Variants in FBH1 observed in about 807,000 individuals in gnomAD.
The protein encoded by FBH1 is F-box DNA helicase 1, also known as DNA 3'-5' helicase 1.
A neutral mutation model predicts 115.5 loss-of-function variants in FBH1; 43 were observed. The observed-to-expected ratio is 0.37, with a 90% CI of 0.29 to 0.48. The LOEUF is 0.48. Ranked by LOEUF, FBH1 falls within the 20% of genes least tolerant of loss-of-function variation. The pLI, the probability that FBH1 is intolerant of heterozygous loss-of-function variation, is 0.99. For missense variants in FBH1, 1,001 were observed against 1,337.3 expected (o/e 0.75, Z 3.92); for synonymous variants, 524 against 507.8 (o/e 1.03, Z -0.43).
Position 5,936,537 on chromosome 10 carries a change from G to A in FBH1, c.2911G>A (p.Ala971Thr). The change falls in exon 20 of 21, where the codon GCC (alanine) becomes ACC (threonine). Residue 971 changes from alanine to threonine, a missense_variant. Coordinates refer to ENST00000362091, the MANE Select transcript of FBH1 (RefSeq NM_178150.3). This position sits in a 1 kb window ranked among gnomAD's most constrained non-coding sequence, Gnocchi z 5.6. ...VRCCVGQCNN[A>T]IPVDTVLTMK... ...CTGCTGCGTGGGACAGTGCAACAAT[G>A]CCATCCCTGTTGACACCGTCCTTAC... 4 of 1,614,172 alleles carry A rather than the reference G, an allele frequency of 2.5e-6. No homozygotes were observed. Among genetic ancestry groups the A allele is most frequent in the Non-Finnish European group, 3.4e-6 (4 of 1,180,012 alleles).
intron 19 of FBH1, among the ~76,000 whole-genome samples, chr10:5,927,774 T>G (rs997446822): frequency 6.6e-6 from 1 of 152,094 alleles, no homozygotes; most frequent in Admixed American, 6.5e-5. Context: ...AAGCTCTGTT[T>G]AAGATACCAG....
intron 1 of FBH1, among the ~76,000 whole-genome samples, chr10:5,898,257 G>T (rs1843125811): frequency 6.6e-6 from 1 of 152,218 alleles, no homozygotes; most frequent in Non-Finnish European, 1.5e-5. Context: ...TTGGTGTCTG[G>T]TGAGGGCCGC....
In FBH1 at chr10:5,918,535, C is replaced by T. The variant is rs1409511617; in HGVS notation, c.2100+57C>T. The T allele has an allele frequency of 2.7e-6, 4 of 1,492,236 alleles. No homozygotes were observed. In the Admixed American group the frequency reaches 7.6e-5, roughly 28 times the overall value. The allele number at this position is 1,492,236 out of a possible 1,614,324, so 92.4% of individuals were successfully genotyped here. On this transcript the variant is annotated intron_variant, in intron 13 of 20. Coordinates refer to ENST00000362091, the MANE Select transcript of FBH1 (RefSeq NM_178150.3). This position sits in a 1 kb window ranked among gnomAD's most constrained non-coding sequence, Gnocchi z 4.0. ...ATCTCTCTCCCAATGTCTTACGTGC[C>T]AGGCCCTGTGAAAGGTGGTATGCCA... is the stretch of plus-strand genomic sequence containing the variant.
In FBH1 at chr10:5,925,086, C is replaced by T. The variant is rs1478400700; in HGVS notation, c.2597-281C>T. On this transcript the variant is annotated intron_variant, in intron 17 of 20. Transcript: ENST00000362091. The surrounding 1 kb of genome is among the most constrained non-coding windows in gnomAD (Gnocchi z 4.6). Reference sequence around the variant, plus strand: ...GCTCTGTCCCTTCATGTGTTAGATCCAGACGGTGGGTGGAGCCACTCTGTC... The same window carrying T: ...GCTCTGTCCCTTCATGTGTTAGATCTAGACGGTGGGTGGAGCCACTCTGTC... Among the ~76,000 whole-genome samples the T allele has an allele frequency of 6.6e-6, 1 of 152,208 alleles. No homozygotes were observed. Among genetic ancestry groups the T allele is most frequent in the African/African-American group, 2.4e-5 (1 of 41,452 alleles).
chr10:5,901,175 C>G (rs1240415964), intron 1 of FBH1, among the ~76,000 whole-genome samples: 1 of 152,088 alleles, frequency 6.6e-6, no homozygotes, highest in Admixed American at 6.5e-5. Context: ...GTGGAGTATT[C>G]TTTATTTTCT....
At chr10:5,904,479 A>C (rs985125089) in intron 2 of FBH1, among the ~76,000 whole-genome samples, 5 of 152,100 alleles carry the variant, frequency 3.3e-5, no homozygotes, top group African/African-American at 4.8e-5. Flanking sequence ...TGAGTTTTTT[A>C]CTGACAAGGA....
chr10:5,904,538 G>A (rs935479884), intron 2 of FBH1, among the ~76,000 whole-genome samples: 2 of 152,180 alleles, frequency 1.3e-5, no homozygotes, highest in South Asian at 2.1e-4. Context: ...GACTGTGGGT[G>A]TGACTGGATT....
chr10:5,917,999 GGA>G lies in FBH1; in HGVS notation c.1963+328_1963+329del, dbSNP rs1404007915. Among the ~76,000 whole-genome samples the G allele has an allele frequency of 3.9e-5, 6 of 152,222 alleles. No homozygotes were observed. Among genetic ancestry groups the G allele is most frequent in the African/African-American group, 1.4e-4 (6 of 41,452 alleles). ...GTGTTGTCTACTTCTCAAGTGGCTAGGAGAGAACAGACAGTGTTATCCGTCTG... is the reference window on the plus strand; with the variant it reads ...GTGTTGTCTACTTCTCAAGTGGCTAGGAGAACAGACAGTGTTATCCGTCTG... On this transcript the variant is annotated intron_variant, in intron 12 of 20. Coordinates refer to ENST00000362091, the MANE Select transcript of FBH1 (RefSeq NM_178150.3). This position sits in a 1 kb window ranked among gnomAD's most constrained non-coding sequence, Gnocchi z 5.6.
At position 5,931,494 on chromosome 10, in the gene FBH1, C is replaced by T. The variant is rs1488764370; in HGVS notation, c.2829+3953C>T. ...ACGAAAGGAATTTTACTTCTTTTCT[C>T]ACACTTGAATCTTTTCTCATACACT... On this transcript the variant is annotated intron_variant, in intron 19 of 20. Transcript: ENST00000362091. This position sits in a 1 kb window ranked among gnomAD's most constrained non-coding sequence, Gnocchi z 4.3. Among the ~76,000 whole-genome samples, 1 of 152,170 alleles carries T rather than the reference C, an allele frequency of 6.6e-6. No individual in the cohort carries two copies. The highest frequency in any genetic ancestry group is 1.5e-5 in the Non-Finnish European group (1 of 68,026).
At position 5,925,761 on chromosome 10, in the gene FBH1, G is replaced by A. The variant is rs1029136340; in HGVS notation, c.2722+269G>A. ...GTGGCGGCCCTGTGAGCCCTGCACT[G>A]CCCTCAGCTCCAGGTTCTTCGCCAT... On this transcript the variant is annotated intron_variant, in intron 18 of 20. Transcript: ENST00000362091. The surrounding 1 kb of genome is among the most constrained non-coding windows in gnomAD (Gnocchi z 4.6). 1.3e-5 allele frequency among the ~76,000 whole-genome samples: 2 copies of A among 152,190 alleles called. No individual in the cohort carries two copies. Among genetic ancestry groups the A allele is most frequent in the Non-Finnish European group, 2.9e-5 (2 of 68,032 alleles).
intron 13 of FBH1, among the ~76,000 whole-genome samples, chr10:5,920,840 G>T (rs12244285): frequency 6.6e-6 from 1 of 152,136 alleles, no homozygotes; most frequent in African/African-American, 2.4e-5. Context: ...ACAGAAAACC[G>T]CGTGGGCTGA....
Position 5,937,438 on chromosome 10 carries a change from C to T in FBH1, c.*158C>T. On this transcript the variant is annotated 3_prime_UTR_variant, in exon 21 of 21. Coordinates refer to ENST00000362091, the MANE Select transcript of FBH1 (RefSeq NM_178150.3). ...GCCCAAGCTGGACCTGCCATTTCTC[C>T]ACTCCCTACAGACAGCCAGTCTCCA... is the stretch of plus-strand genomic sequence containing the variant. 4.4e-6 allele frequency: 3 copies of T among 683,384 alleles called. No homozygotes were observed. Among genetic ancestry groups the T allele is most frequent in the Non-Finnish European group, 6.5e-6 (3 of 459,192 alleles). 42.3% of individuals were successfully genotyped at this position (683,384 alleles called of 1,614,324 possible). A position where few individuals can be genotyped will look rare whatever the true frequency, so the allele number is the denominator to read the frequency against.
In FBH1 at chr10:5,913,950, T is replaced by A; in HGVS notation, c.1304+111T>A. 1.1e-6 allele frequency: 1 copy of A among 909,432 alleles called. No homozygotes were observed. The highest frequency in any genetic ancestry group is 1.7e-6 in the Non-Finnish European group (1 of 583,626). 56.3% of individuals were successfully genotyped at this position (909,432 alleles called of 1,614,324 possible). On this transcript the variant is annotated intron_variant, in intron 7 of 20. Coordinates refer to ENST00000362091, the MANE Select transcript of FBH1 (RefSeq NM_178150.3). The surrounding 1 kb of genome is among the most constrained non-coding windows in gnomAD (Gnocchi z 4.4). ...AGCAACATCATTGAGGTTAATAATGTAAATTGTGTAAAACTCACCCATCCT... is the reference window on the plus strand; with the variant it reads ...AGCAACATCATTGAGGTTAATAATGAAAATTGTGTAAAACTCACCCATCCT...
In FBH1 at chr10:5,900,354, G is replaced by A. The variant is rs1040357335; in HGVS notation, c.2-2666G>A. Among the ~76,000 whole-genome samples, 8 of 152,240 alleles carry A rather than the reference G, an allele frequency of 5.3e-5. No individual in the cohort carries two copies. The highest frequency in any genetic ancestry group is 1.4e-4 in the African/African-American group (6 of 41,470). On this transcript the variant is annotated intron_variant, in intron 1 of 20. Coordinates refer to ENST00000362091, the MANE Select transcript of FBH1 (RefSeq NM_178150.3). The surrounding 1 kb of genome is among the most constrained non-coding windows in gnomAD (Gnocchi z 4.2). ...TGGGCGCGTTCAGGGTGGTATGGCCGTAGACCTATCAGACTTAGAGACCTG... is the reference window on the plus strand; with the variant it reads ...TGGGCGCGTTCAGGGTGGTATGGCCATAGACCTATCAGACTTAGAGACCTG...
intron 9 of FBH1, 132 bp from the exon 10 acceptor site, chr10:5,916,102 T>G: frequency 1.2e-6 from 1 of 801,304 alleles, no homozygotes; most frequent in South Asian, 1.8e-5. Flanking sequence ...CTTTTTCGCT[T>G]TAAAACATTA....
rs1416614419 is a variant in FBH1, at chr10:5,917,107, C to T, written c.1789-313C>T. The T allele has an allele frequency of 6.6e-6, 2 of 305,238 alleles. No individual in the cohort carries two copies. The highest frequency in any genetic ancestry group is 4.2e-5 in the African/African-American group (2 of 47,184). The allele number at this position is 305,238 out of a possible 1,614,324, so 18.9% of individuals were successfully genotyped here. On this transcript the variant is annotated intron_variant, in intron 10 of 20. Coordinates refer to ENST00000362091, the MANE Select transcript of FBH1 (RefSeq NM_178150.3). The surrounding 1 kb of genome is among the most constrained non-coding windows in gnomAD (Gnocchi z 5.6). The stretch of plus-strand genomic sequence containing the variant: ...TTCATCAAGTCTTTTCAATCATGTG[C>T]CATTGTTTTTGTGAATTAAGCATCA...
Position 5,918,200 on chromosome 10 carries a change from A to G in FBH1, c.1964-142A>G. ...ATTATAAAATGGCTGCTTTTGATGG[A>G]GTGTGCCTGTCCTACAGGAAAAGGC... On this transcript the variant is annotated intron_variant, in intron 12 of 20. Coordinates refer to ENST00000362091, the MANE Select transcript of FBH1 (RefSeq NM_178150.3). This position sits in a 1 kb window ranked among gnomAD's most constrained non-coding sequence, Gnocchi z 4.0. The G allele has an allele frequency of 1.2e-6, 1 of 867,056 alleles. No homozygotes were observed. The highest frequency in any genetic ancestry group is 1.7e-5 in the South Asian group (1 of 59,970). The allele number at this position is 867,056 out of a possible 1,614,324, so 53.7% of individuals were successfully genotyped here. A position where few individuals can be genotyped will look rare whatever the true frequency, so the allele number is the denominator to read the frequency against.
chr10:5,894,937 G>C, intron 1 of FBH1: 2 of 1,096,958 alleles, frequency 1.8e-6, no homozygotes, highest in Non-Finnish European at 2.6e-6. Flanking sequence ...AGTATCTCGG[G>C]TGTACAGGGC....
chr10:5,920,168 C>G (rs1268276622), intron 13 of FBH1, among the ~76,000 whole-genome samples: 1 of 152,256 alleles, frequency 6.6e-6, no homozygotes, highest in African/African-American at 2.4e-5. Flanking sequence ...AAGTTCCAGT[C>G]AGGCATTTGT....
Sources: allele counts gnomAD v4.1 joint callset (sites outside exome capture counted in the v4.1 genomes callset), GRCh38; gene constraint gnomAD v4.1.1; non-coding constraint Gnocchi (gnomAD v3.1); transcripts MANE v1.5; gene names NCBI Gene and HGNC (gene_info 2026-07-23, HGNC 2026-07-21).